POLR1D: variants seen among roughly 807,000 people sequenced by gnomAD.
POLR1D encodes RNA polymerase I and III subunit D.
A neutral mutation model predicts 10.8 loss-of-function variants in POLR1D; 8 were observed. That is an observed-to-expected ratio of 0.74 (90% confidence interval 0.43 to 1.33). POLR1D has a LOEUF of 1.33. Among genes scored for constraint, POLR1D ranks in the 40% most tolerant of loss-of-function variants. The probability of loss-of-function intolerance (pLI) is 0.01; values close to 1 mark genes in which losing one functional copy is unlikely to be tolerated. For missense variants in POLR1D, 152 were observed against 161.7 expected (o/e 0.94, Z 0.32); for synonymous variants, 54 against 57.2 (o/e 0.94, Z 0.25).
At position 27,621,939 on chromosome 13, in the gene POLR1D, C is replaced by G; in HGVS notation, c.-45C>G. The G allele has an allele frequency of 6.4e-7, 1 of 1,573,768 alleles. No homozygotes were observed. The highest frequency in any genetic ancestry group is 8.6e-7 in the Non-Finnish European group (1 of 1,158,500). On this transcript the variant is annotated 5_prime_UTR_variant, in exon 1 of 2. Coordinates refer to ENST00000302979, the MANE Select transcript of POLR1D (RefSeq NM_015972.4). ...GCGCCTCGCGCTATGGGACAGAGCC[C>G]CCGATCCGCCAGCACCACCTGAGGA...
At chr13:27,622,214 G>C (rs1159893786) in intron 1 of POLR1D, 6 of 612,962 alleles carry the variant, frequency 9.8e-6, no homozygotes. Context: ...GACAAGTTGG[G>C]AGACCAGAGT....
downstream of POLR1D, among the ~76,000 whole-genome samples, chr13:27,625,808 G>A (rs1956002891): frequency 6.6e-6 from 1 of 152,168 alleles, no homozygotes; most frequent in African/African-American, 2.4e-5. Flanking sequence ...TGCAAAAATA[G>A]GGTGTGGAAG....
intron 1 of POLR1D, among the ~76,000 whole-genome samples, chr13:27,644,629 A>G (rs1956203214): frequency 6.6e-6 from 1 of 152,230 alleles, no homozygotes; most frequent in Non-Finnish European, 1.5e-5. Context: ...GTATTCTAAT[A>G]TAATTAATTA....
At chr13:27,647,174 T>C (rs776752910) in intron 1 of POLR1D, among the ~76,000 whole-genome samples, 2 of 152,206 alleles carry the variant, frequency 1.3e-5, no homozygotes, top group Non-Finnish European at 2.9e-5. Flanking sequence ...CCTATGTTGC[T>C]ACCCATAGCA....
intron 2 of POLR1D, among the ~76,000 whole-genome samples, chr13:27,657,728 T>C (rs927801584): frequency 5.3e-5 from 8 of 152,146 alleles, no homozygotes; most frequent in African/African-American, 9.7e-5. Context: ...CATAGAAGAC[T>C]TCACTTCATT....
In POLR1D at chr13:27,663,429, A is replaced by T. The variant is rs1956384502; in HGVS notation, c.102-2257A>T. ...CATCTCTGATGTTAAAAGAGATGTA[A>T]ATGCCAGTTTTCTTGTGGAATTATT... On this transcript the variant is annotated intron_variant, in intron 2 of 2. Transcript: ENST00000399697. The surrounding 1 kb of genome is among the most constrained non-coding windows in gnomAD (Gnocchi z 4.1). Among the ~76,000 whole-genome samples the T allele has an allele frequency of 6.6e-6, 1 of 152,200 alleles. No homozygotes were observed. Among genetic ancestry groups the T allele is most frequent in the Non-Finnish European group, 1.5e-5 (1 of 68,032 alleles).
intron 1 of POLR1D, 161 bp downstream of exon 1, chr13:27,622,170 A>T (rs1239710604): frequency 4.4e-6 from 3 of 677,206 alleles, no homozygotes; most frequent in Non-Finnish European, 5.3e-6. Context: ...TTCAGTTGAG[A>T]GGCTGAGAGG....
intron 1 of POLR1D, among the ~76,000 whole-genome samples, chr13:27,629,130 G>C (rs1956048091): frequency 6.6e-6 from 1 of 152,148 alleles, no homozygotes; most frequent in African/African-American, 2.4e-5. Flanking sequence ...AGCCAAAATA[G>C]ACCTTCCTTA....
upstream of POLR1D, chr13:27,621,876 C>T (rs553230423): frequency 8.4e-7 from 1 of 1,193,088 alleles, no homozygotes; most frequent in Non-Finnish European, 1.2e-6. Flanking sequence ...GTCCTCCGCG[C>T]CTTCCGTCGG....
chr13:27,631,852 T>C (rs1356708501), intron 1 of POLR1D, among the ~76,000 whole-genome samples: 1 of 152,188 alleles, frequency 6.6e-6, no homozygotes, highest in African/African-American at 2.4e-5. Context: ...GAAGGACTGA[T>C]GATTTATAAT....
At chr13:27,621,164 G>A (rs1955909093), upstream of POLR1D, 2 of 152,674 alleles carry the variant, frequency 1.3e-5, no homozygotes, top group African/African-American at 4.8e-5. Context: ...CCGCAGGTGA[G>A]GAGGTTTGAG....
intron 2 of POLR1D, among the ~76,000 whole-genome samples, chr13:27,651,843 G>A (rs1035184851): frequency 6.6e-6 from 1 of 152,158 alleles, no homozygotes; most frequent in Non-Finnish European, 1.5e-5. Flanking sequence ...TAGACTCATG[G>A]GAAAAGTGGG....
At chr13:27,636,875 A>G (rs530596029) in intron 1 of POLR1D, among the ~76,000 whole-genome samples, 1 of 152,204 alleles carries the variant, frequency 6.6e-6, no homozygotes, top group Non-Finnish European at 1.5e-5. Flanking sequence ...TTTATGTTTC[A>G]GTGGATGAGA....
At chr13:27,630,454 T>G (rs1956061887) in intron 1 of POLR1D, among the ~76,000 whole-genome samples, 1 of 152,212 alleles carries the variant, frequency 6.6e-6, no homozygotes. Flanking sequence ...TTACAATTTT[T>G]GTTTTTTGTT....
intron 1 of POLR1D, among the ~76,000 whole-genome samples, chr13:27,628,989 GTTTTTGTTTT>G (rs1956046598): frequency 1.3e-5 from 2 of 151,408 alleles, no homozygotes; most frequent in Non-Finnish European, 3.0e-5. Flanking sequence ...CTAATTGTTT[GTTTTTGTTTT>G]TTTGTGTGTG....
chr13:27,647,745 T>C (rs1956233263), intron 1 of POLR1D, among the ~76,000 whole-genome samples: 1 of 152,222 alleles, frequency 6.6e-6, no homozygotes, highest in South Asian at 2.1e-4. Flanking sequence ...TTAAGTTTTC[T>C]GTTTTTTCTT....
chr13:27,624,533 A>C (rs188869955), downstream of POLR1D, among the ~76,000 whole-genome samples: 1 of 152,166 alleles, frequency 6.6e-6, no homozygotes, highest in East Asian at 1.9e-4. Context: ...GGCCTTGGGG[A>C]TAGATATATA....
intron 2 of POLR1D, among the ~76,000 whole-genome samples, chr13:27,661,097 C>T (rs1163597457): frequency 3.9e-5 from 6 of 152,158 alleles, no homozygotes; most frequent in African/African-American, 1.4e-4. Context: ...AATTCTAGCC[C>T]CAGTGAGTCT....
At chr13:27,641,959 G>C (rs987791219) in intron 1 of POLR1D, among the ~76,000 whole-genome samples, 1 of 152,152 alleles carries the variant, frequency 6.6e-6, no homozygotes, top group African/African-American at 2.4e-5. Flanking sequence ...ATCCCACAGA[G>C]CATCTGTGTG....
Sources: allele counts gnomAD v4.1 joint callset (sites outside exome capture counted in the v4.1 genomes callset), GRCh38; gene constraint gnomAD v4.1.1; non-coding constraint Gnocchi (gnomAD v3.1); transcripts MANE v1.5; gene names NCBI Gene and HGNC (gene_info 2026-07-23, HGNC 2026-07-21).